Variants in MRTFB observed in about 807,000 individuals in gnomAD.
MRTFB encodes the protein myocardin related transcription factor B.
In MRTFB, 29 loss-of-function variants were observed where a neutral mutation model predicts 104.2. The ratio of observed to expected loss-of-function variants is 0.28; its 90% CI spans 0.21 to 0.38. The LOEUF (loss-of-function observed/expected upper bound fraction) is 0.38, where lower values mean the gene tolerates loss of function less well. Among genes scored for constraint, MRTFB ranks in the 10% least tolerant of loss-of-function variants. The pLI, the probability that MRTFB is intolerant of heterozygous loss-of-function variation, is 1.00. For missense variants in MRTFB, 1,270 were observed against 1,341.6 expected (o/e 0.95, Z 0.83); for synonymous variants, 535 against 519.5 (o/e 1.03, Z -0.41).
At chr16:14,180,873 C>G (rs2039744657) in intron 3 of MRTFB, among the ~76,000 whole-genome samples, 1 of 152,174 alleles carries the variant, frequency 6.6e-6, no homozygotes, top group African/African-American at 2.4e-5. Context: ...AGATGACAAA[C>G]CAGTGATCAG....
At chr16:14,078,251 C>G (rs193189981) in intron 1 of MRTFB, among the ~76,000 whole-genome samples, 21 of 152,290 alleles carry the variant, frequency 1.4e-4, no homozygotes, top group African/African-American at 5.1e-4. Context: ...TCCTGCACAC[C>G]AAATAATGCC....
chr16:14,218,831 G>A lies in MRTFB; in HGVS notation c.526G>A (p.Glu176Lys). ...VKEAIIGVGK[E>K]DYPHTQGDFS... Reference sequence around the variant, plus strand: ...ATTTCTTTCTTTAGGCGTTGGGAAGGAGGACTATCCCCACACTCAGGGCGA... The same window carrying A: ...ATTTCTTTCTTTAGGCGTTGGGAAGAAGGACTATCCCCACACTCAGGGCGA... The change falls in exon 8 of 17, where the codon GAG (glutamate) becomes AAG (lysine). Residue 176 changes from glutamate to lysine, a missense_variant. By Grantham distance (56) the Glu-to-Lys change is moderately conservative. Coordinates refer to ENST00000571589, the MANE Select transcript of MRTFB (RefSeq NM_001308142.2). 2 of 1,591,958 alleles carry A rather than the reference G, an allele frequency of 1.3e-6. No homozygotes were observed. Among genetic ancestry groups the A allele is most frequent in the Non-Finnish European group, 1.7e-6 (2 of 1,166,494 alleles).
chr16:14,162,393 G>T (rs959390721), intron 3 of MRTFB, among the ~76,000 whole-genome samples: 2 of 151,902 alleles, frequency 1.3e-5, no homozygotes, highest in Non-Finnish European at 2.9e-5. Context: ...ACTGTGTTTT[G>T]TAGGTACTGT....
chr16:14,255,483 G>C (rs1161524619), intron 15 of MRTFB, among the ~76,000 whole-genome samples: 2 of 152,208 alleles, frequency 1.3e-5, no homozygotes, highest in Admixed American at 1.3e-4. Context: ...GAAGTTTTTA[G>C]GGAGGAAGAA....
At chr16:14,132,847 T>C (rs920600652) in intron 2 of MRTFB, among the ~76,000 whole-genome samples, 3 of 152,230 alleles carry the variant, frequency 2.0e-5, no homozygotes, top group Admixed American at 6.5e-5. Context: ...TGCTAAGGTC[T>C]GGTGATGTAG....
the MRTFB span, among the ~76,000 whole-genome samples, chr16:14,054,662 C>T: frequency 2.0e-5 from 3 of 152,270 alleles, no homozygotes; most frequent in East Asian, 1.9e-4. Context: ...TATTTTCTCC[C>T]GCTAGCTAGT....
chr16:14,012,568 G>A, the MRTFB span, among the ~76,000 whole-genome samples: 1 of 152,022 alleles, frequency 6.6e-6, no homozygotes, highest in East Asian at 1.9e-4. Flanking sequence ...AAAGTGCTGG[G>A]ATAACAGGCG....
chr16:14,116,023 G>A (rs777997367), intron 2 of MRTFB, among the ~76,000 whole-genome samples: 4 of 152,102 alleles, frequency 2.6e-5, no homozygotes, highest in Admixed American at 1.3e-4. Context: ...AACAAGTTTG[G>A]TTCATATTGC....
chr16:14,011,298 A>G, the MRTFB span, among the ~76,000 whole-genome samples: 4 of 152,242 alleles, frequency 2.6e-5, no homozygotes, highest in African/African-American at 9.6e-5. Flanking sequence ...GGTGCTACCC[A>G]GCTGAGCCAT....
intron 9 of MRTFB, 101 bp from the exon 10 acceptor site, chr16:14,240,136 A>T: frequency 7.4e-7 from 1 of 1,350,652 alleles, no homozygotes; most frequent in Non-Finnish European, 9.9e-7. Context: ...CCCGTATCTA[A>T]GGTACATTTC....
intron 3 of MRTFB, among the ~76,000 whole-genome samples, chr16:14,180,586 C>A (rs2039734638): frequency 2.0e-5 from 3 of 152,124 alleles, no homozygotes; most frequent in Admixed American, 2.0e-4. Flanking sequence ...GTAGTCAGAA[C>A]ACTTGTGTTG....
At chr16:14,218,701 CA>C in intron 7 of MRTFB, 118 bp from the exon 8 acceptor site, 1 of 1,007,198 alleles carries the variant, frequency 9.9e-7, no homozygotes, top group Non-Finnish European at 1.4e-6. Context: ...ACATTGTGTT[CA>C]ATTTTTTTTT....
At chr16:14,138,139 T>C (rs993444904) in intron 2 of MRTFB, among the ~76,000 whole-genome samples, 6 of 152,140 alleles carry the variant, frequency 3.9e-5, no homozygotes, top group Non-Finnish European at 5.9e-5. Flanking sequence ...ACTGAAGATA[T>C]TTACCCCTCT....
intron 2 of MRTFB, among the ~76,000 whole-genome samples, chr16:14,119,438 G>A (rs2036723919): frequency 6.6e-6 from 1 of 152,170 alleles, no homozygotes; most frequent in Non-Finnish European, 1.5e-5. Context: ...ACATAAGGAG[G>A]CAGGTTTAGA....
At chr16:14,155,502 T>G (rs1028492498) in intron 3 of MRTFB, among the ~76,000 whole-genome samples, 2 of 152,202 alleles carry the variant, frequency 1.3e-5, no homozygotes, top group Non-Finnish European at 2.9e-5. Flanking sequence ...AATTTTTCAT[T>G]GGATATAATT....
At chr16:14,019,537 A>G in the MRTFB span, 1 of 152,082 alleles carries the variant, frequency 6.6e-6, no homozygotes, top group Admixed American at 6.6e-5. Flanking sequence ...CATATACGAA[A>G]TTTTTGCAAT....
chr16:14,066,807 G>A (rs923525362), upstream of MRTFB, among the ~76,000 whole-genome samples: 1 of 151,828 alleles, frequency 6.6e-6, no homozygotes, highest in African/African-American at 2.4e-5. Context: ...AGTACTACAG[G>A]CACAAACCAC....
chr16:14,122,238 GT>G (rs577925692), intron 2 of MRTFB, among the ~76,000 whole-genome samples: 1,934 of 118,732 alleles, frequency 0.016, 20 homozygotes, highest in South Asian at 0.025. Context: ...ATATGGATCT[GT>G]TTTTTTTTTT....
At chr16:14,216,066 G>C (rs921713667) in intron 6 of MRTFB, among the ~76,000 whole-genome samples, 2 of 152,124 alleles carry the variant, frequency 1.3e-5, no homozygotes, top group South Asian at 2.1e-4. Flanking sequence ...TCGCAATAGC[G>C]GTCACAACAG....
Sources: gnomAD v4.1 joint callset for allele counts (sites outside exome capture counted in the v4.1 genomes callset) on GRCh38, gnomAD v4.1.1 for gene constraint, MANE v1.5 for transcripts, NCBI Gene and HGNC (gene_info 2026-07-23, HGNC 2026-07-21) for gene names.